NCKAP5: variants seen among roughly 807,000 people sequenced by gnomAD.
NCKAP5 encodes the protein NCK associated protein 5.
In NCKAP5, 92 loss-of-function variants were observed where a neutral mutation model predicts 167.0. That is an observed-to-expected ratio of 0.55 (90% CI 0.47 to 0.66). NCKAP5 has a LOEUF of 0.66. Ranked by LOEUF, NCKAP5 falls within the 30% of genes least tolerant of loss-of-function variation. NCKAP5 has a pLI of 0.00. For synonymous variants in NCKAP5, 891 were observed against 877.4 expected, an observed-to-expected ratio of 1.02 and a Z score of -0.27; for missense variants, 2,378 against 2,315.0, an observed-to-expected ratio of 1.03 and a Z score of -0.56.
At chr2:133,269,322 T>C (rs1169791902) in intron 4 of NCKAP5, among the ~76,000 whole-genome samples, 1 of 152,144 alleles carries the variant, frequency 6.6e-6, no homozygotes, top group Non-Finnish European at 1.5e-5. Flanking sequence ...ATAATGTCTA[T>C]TAGAAGGTAA....
chr2:133,637,694 A>G, the NCKAP5 span, among the ~76,000 whole-genome samples: 1 of 152,110 alleles, frequency 6.6e-6, no homozygotes, highest in Non-Finnish European at 1.5e-5. Flanking sequence ...AAAGTTCATA[A>G]AATGTAGCAA....
At chr2:132,944,849 G>T (rs1428206098) in intron 8 of NCKAP5, among the ~76,000 whole-genome samples, 2 of 152,150 alleles carry the variant, frequency 1.3e-5, no homozygotes, top group African/African-American at 4.8e-5. Flanking sequence ...CCCCAGCCAA[G>T]AAGTCACTGC....
intron 19 of NCKAP5, among the ~76,000 whole-genome samples, chr2:132,685,674 C>A (rs1685832944): frequency 6.6e-6 from 1 of 152,160 alleles, no homozygotes; most frequent in Non-Finnish European, 1.5e-5. Flanking sequence ...CACCTTCCCA[C>A]CAGGCAGCAA....
chr2:133,217,154 G>A (rs899418352), intron 4 of NCKAP5, among the ~76,000 whole-genome samples: 21 of 152,142 alleles, frequency 1.4e-4, no homozygotes, highest in African/African-American at 5.1e-4. Context: ...TTGGACAAAC[G>A]TTTTTAAGTA....
intron 2 of NCKAP5, among the ~76,000 whole-genome samples, chr2:133,539,674 A>G (rs1285337505): frequency 6.6e-6 from 1 of 152,172 alleles, no homozygotes. Flanking sequence ...AAATCTAGAA[A>G]AGACAATCAA....
chr2:132,713,664 T>G (rs1040991034), intron 19 of NCKAP5, among the ~76,000 whole-genome samples: 2 of 145,522 alleles, frequency 1.4e-5, no homozygotes, highest in Non-Finnish European at 3.0e-5. Flanking sequence ...CATTACAGAA[T>G]AAAAAGGGAC....
chr2:133,540,626 T>A (rs951276615), intron 2 of NCKAP5, among the ~76,000 whole-genome samples: 5 of 152,250 alleles, frequency 3.3e-5, no homozygotes, highest in African/African-American at 1.2e-4. Flanking sequence ...AATCTAATTA[T>A]CTATTGCCAT....
At chr2:133,494,173 G>T (rs1018696017) in intron 3 of NCKAP5, among the ~76,000 whole-genome samples, 8 of 152,072 alleles carry the variant, frequency 5.3e-5, no homozygotes, top group African/African-American at 1.9e-4. Flanking sequence ...TTTACCATTT[G>T]CCTCTGCAAT....
intron 16 of NCKAP5, among the ~76,000 whole-genome samples, chr2:132,753,049 T>G (rs1680246007): frequency 1.3e-5 from 2 of 152,176 alleles, no homozygotes; most frequent in Non-Finnish European, 2.9e-5. Flanking sequence ...TTTACCAATT[T>G]AAAAGTTAAT....
intron 2 of NCKAP5, among the ~76,000 whole-genome samples, chr2:133,524,858 T>TA (rs1197590251): frequency 3.3e-5 from 5 of 152,062 alleles, no homozygotes; most frequent in African/African-American, 4.8e-5. Flanking sequence ...TATAAATGGG[T>TA]AAGGGTGTGT....
chr2:132,710,174 C>T (rs538379681), intron 19 of NCKAP5, among the ~76,000 whole-genome samples: 3 of 152,134 alleles, frequency 2.0e-5, no homozygotes, highest in South Asian at 4.2e-4. Flanking sequence ...AACATGACTA[C>T]GTGATTCTAA....
intron 3 of NCKAP5, among the ~76,000 whole-genome samples, chr2:133,451,257 T>C (rs1691533523): frequency 6.6e-6 from 1 of 152,156 alleles, no homozygotes; most frequent in African/African-American, 2.4e-5. Context: ...GATCTGAACT[T>C]CTAAATGCAA....
chr2:133,650,519 G>A, the NCKAP5 span, among the ~76,000 whole-genome samples: 2 of 152,106 alleles, frequency 1.3e-5, no homozygotes, highest in African/African-American at 2.4e-5. Flanking sequence ...CAAACATATA[G>A]ATCAATAGAA....
At chr2:133,559,371 T>C (rs1465288883) in intron 1 of NCKAP5, among the ~76,000 whole-genome samples, 1 of 152,158 alleles carries the variant, frequency 6.6e-6, no homozygotes, top group Non-Finnish European at 1.5e-5. Flanking sequence ...CAGCCTAGAG[T>C]GCAGTGGTGC....
intron 8 of NCKAP5, among the ~76,000 whole-genome samples, chr2:132,960,431 C>A (rs2076478384): frequency 6.6e-6 from 1 of 152,114 alleles, no homozygotes; most frequent in Admixed American, 6.6e-5. Context: ...GCCCTGCAAC[C>A]AAAGGACTGG....
At chr2:133,172,891 T>C (rs2149997795) in intron 5 of NCKAP5, among the ~76,000 whole-genome samples, 1 of 152,220 alleles carries the variant, frequency 6.6e-6, no homozygotes, top group East Asian at 1.9e-4. Context: ...TTCATCACAT[T>C]GGTCAGGCTG....
intron 6 of NCKAP5, among the ~76,000 whole-genome samples, chr2:133,074,421 G>A (rs545606923): frequency 2.6e-4 from 40 of 152,210 alleles, no homozygotes; most frequent in Admixed American, 2.4e-3. Context: ...ATACAGTGGT[G>A]TAGTCATAGC....
At chr2:133,036,833 A>T (rs949553518) in intron 6 of NCKAP5, among the ~76,000 whole-genome samples, 7 of 152,102 alleles carry the variant, frequency 4.6e-5, no homozygotes, top group Admixed American at 3.9e-4. Flanking sequence ...ATCAGACAAG[A>T]GAAAAACATA....
chr2:133,121,034 C>T (rs368502189), intron 6 of NCKAP5, among the ~76,000 whole-genome samples: 77 of 152,166 alleles, frequency 5.1e-4, no homozygotes, highest in African/African-American at 1.8e-3. Flanking sequence ...CAAACAATGT[C>T]CCCTGGATAG....
Sources: allele counts gnomAD v4.1 joint callset (sites outside exome capture counted in the v4.1 genomes callset), GRCh38; gene constraint gnomAD v4.1.1; transcripts MANE v1.5; gene names NCBI Gene and HGNC (gene_info 2026-07-23, HGNC 2026-07-21).